The following METAP1 variants were observed in gnomAD, a reference collection of about 807,000 sequenced individuals.
METAP1 encodes methionyl aminopeptidase 1, also known as methionine aminopeptidase 1.
Under a neutral mutation model 53.8 loss-of-function variants are expected in METAP1, and 28 were observed. The observed-to-expected ratio is 0.52, with a 90% CI of 0.39 to 0.71. METAP1 has a LOEUF of 0.71. Ranked by LOEUF, METAP1 falls within the 30% of genes least tolerant of loss-of-function variation. The pLI is 0.00. For synonymous variants in METAP1, 181 were observed against 165.7 expected (o/e 1.09, Z -0.71); for missense variants, 389 against 479.8 (o/e 0.81, Z 1.77).
intron 1 of METAP1, among the ~76,000 whole-genome samples, chr4:99,014,270 C>G (rs911589411): frequency 6.6e-6 from 1 of 152,222 alleles, no homozygotes; most frequent in Non-Finnish European, 1.5e-5. Flanking sequence ...CCCTCTAGGG[C>G]TCTTGTTATA....
chr4:99,023,944 C>A, intron 1 of METAP1: 1 of 275,038 alleles, frequency 3.6e-6, no homozygotes, highest in Non-Finnish European at 5.5e-6. Context: ...TCTCCTCGAG[C>A]GTTTGGGTAA....
chr4:99,003,430 A>G (rs143783258), intron 1 of METAP1, among the ~76,000 whole-genome samples: 102 of 152,326 alleles, frequency 6.7e-4, no homozygotes, highest in African/African-American at 2.1e-3. Flanking sequence ...TAAAAATGTC[A>G]TAACTTTTTT....
At chr4:99,054,139 G>A (rs954135809) in intron 9 of METAP1, among the ~76,000 whole-genome samples, 1 of 152,092 alleles carries the variant, frequency 6.6e-6, no homozygotes, top group Non-Finnish European at 1.5e-5. Context: ...CTCCTCTCTA[G>A]TGAGAAAGTC....
At chr4:99,023,308 G>A (rs919706041) in intron 1 of METAP1, 6 of 658,826 alleles carry the variant, frequency 9.1e-6, no homozygotes, top group Non-Finnish European at 1.2e-5. Context: ...TTGCTCGTTT[G>A]TCAGATTATT....
chr4:99,032,037 T>C (rs1390541851), intron 2 of METAP1, among the ~76,000 whole-genome samples: 3 of 152,232 alleles, frequency 2.0e-5, no homozygotes, highest in African/African-American at 7.2e-5. Context: ...TCTGTTAATC[T>C]GGTTAGCACC....
intron 1 of METAP1, among the ~76,000 whole-genome samples, 197 bp downstream of exon 1, chr4:98,996,064 C>G (rs532602994): frequency 0.022 from 3,281 of 152,260 alleles, 111 homozygotes; most frequent in African/African-American, 0.073. Flanking sequence ...GGGAACCGCG[C>G]TGGGCTCACG....
chr4:99,020,805 TCTTGGGTCCACAGAAAGCAACAATA>T (rs1264922269), intron 1 of METAP1, among the ~76,000 whole-genome samples: 1 of 152,222 alleles, frequency 6.6e-6, no homozygotes, highest in Non-Finnish European at 1.5e-5. Flanking sequence ...TAAAATTGGC[TCTTGGGTCCACAGAAAGCAACAATA>T]CTTGATCATT....
intron 6 of METAP1, 108 bp from the exon 7 acceptor site, chr4:99,043,141 C>A: frequency 1.3e-6 from 1 of 769,052 alleles, no homozygotes; most frequent in Non-Finnish European, 2.0e-6. Flanking sequence ...CTGAGTTCTT[C>A]ATAGTAGCAT....
At chr4:99,013,659 T>C (rs1355916171) in intron 1 of METAP1, among the ~76,000 whole-genome samples, 1 of 152,134 alleles carries the variant, frequency 6.6e-6, no homozygotes, top group African/African-American at 2.4e-5. Context: ...TAAACTTAAC[T>C]GGATTGGTTA....
Position 99,054,079 on chromosome 4 carries a change from G to T in METAP1, c.932-3674G>T, listed in dbSNP as rs541949371. Among the ~76,000 whole-genome samples the T allele has an allele frequency of 2.6e-5, 4 of 152,128 alleles. No homozygotes were observed. The East Asian group carries it at 7.7e-4, about 29-fold the overall frequency. On this transcript the variant is annotated intron_variant, in intron 9 of 10. Coordinates refer to ENST00000296411, the MANE Select transcript of METAP1 (RefSeq NM_015143.3). ...TTCAACTTAAAGTCACAAGCTGCAG[G>T]ATCCCCTAACAAGAAAGTCAGCCTG...
chr4:99,017,034 A>G (rs2110296777), intron 1 of METAP1, among the ~76,000 whole-genome samples: 1 of 152,228 alleles, frequency 6.6e-6, no homozygotes, highest in South Asian at 2.1e-4. Context: ...GGAGGGAGGG[A>G]GTTAGATGAA....
chr4:99,054,286 G>C (rs772380321), intron 9 of METAP1, among the ~76,000 whole-genome samples: 1 of 152,110 alleles, frequency 6.6e-6, no homozygotes, highest in Non-Finnish European at 1.5e-5. Flanking sequence ...AGCACTTGCC[G>C]CTTCACCGTG....
chr4:99,006,084 T>C (rs1723164367), intron 1 of METAP1, among the ~76,000 whole-genome samples: 1 of 152,244 alleles, frequency 6.6e-6, no homozygotes, highest in Non-Finnish European at 1.5e-5. Context: ...TAGGACTTGT[T>C]GTTAACAGAC....
intron 1 of METAP1, among the ~76,000 whole-genome samples, chr4:99,017,254 A>G (rs746113273): frequency 9.9e-5 from 15 of 152,238 alleles, no homozygotes; most frequent in Admixed American, 6.5e-4. Flanking sequence ...GTCTGCCCCA[A>G]TTTTTCCAAA....
intron 5 of METAP1, among the ~76,000 whole-genome samples, chr4:99,040,021 C>G (rs2110363942): frequency 1.3e-5 from 2 of 152,274 alleles, no homozygotes; most frequent in South Asian, 4.1e-4. Flanking sequence ...GCCATTGTGC[C>G]CGGTTTAGCC....
intron 1 of METAP1, among the ~76,000 whole-genome samples, chr4:99,009,565 A>G (rs763777272): frequency 6.6e-6 from 1 of 152,116 alleles, no homozygotes; most frequent in South Asian, 2.1e-4. Context: ...TAGTCATCCT[A>G]ATGGGTATGA....
At chr4:99,055,829 T>C (rs1242347406) in intron 9 of METAP1, among the ~76,000 whole-genome samples, 1 of 152,228 alleles carries the variant, frequency 6.6e-6, no homozygotes, top group Non-Finnish European at 1.5e-5. Flanking sequence ...GACGTTTTCT[T>C]TTTGGTTTCT....
At chr4:99,048,296 G>A (rs1430219168) in intron 8 of METAP1, among the ~76,000 whole-genome samples, 3 of 152,122 alleles carry the variant, frequency 2.0e-5, no homozygotes, top group African/African-American at 7.2e-5. Context: ...GCCTCTCTGT[G>A]CCTCATCTGT....
intron 1 of METAP1, among the ~76,000 whole-genome samples, chr4:99,006,213 T>G (rs550272296): frequency 6.6e-6 from 1 of 152,334 alleles, no homozygotes; most frequent in African/African-American, 2.4e-5. Context: ...AAGGGGCTTA[T>G]GCTATTCTTG....
Sources: allele counts gnomAD v4.1 joint callset (sites outside exome capture counted in the v4.1 genomes callset), GRCh38; gene constraint gnomAD v4.1.1; transcripts MANE v1.5; gene names NCBI Gene and HGNC (gene_info 2026-07-23, HGNC 2026-07-21).